The following MCTP1 variants were observed in gnomAD, a reference collection of about 807,000 sequenced individuals.
The protein encoded by MCTP1 is multiple C2 and transmembrane domain-containing protein 1.
MCTP1 carries 69 observed loss-of-function variants against 120.6 expected under a neutral mutation model. That is an observed-to-expected ratio of 0.57 (90% CI 0.47 to 0.70). The LOEUF (loss-of-function observed/expected upper bound fraction) is 0.70. Ranked by LOEUF, MCTP1 falls within the 30% of genes least tolerant of loss-of-function variation. MCTP1 has a pLI of 0.00. For synonymous variants in MCTP1, 529 were observed against 493.1 expected, an observed-to-expected ratio of 1.07 and a Z score of -0.96; for missense variants, 1,203 against 1,248.8, an observed-to-expected ratio of 0.96 and a Z score of 0.55.
At chr5:94,715,885 A>G (rs1759060858) in intron 19 of MCTP1, among the ~76,000 whole-genome samples, 1 of 152,220 alleles carries the variant, frequency 6.6e-6, no homozygotes, top group Non-Finnish European at 1.5e-5. Context: ...CTTGCACACT[A>G]TGCCAGAACA....
rs910043774 is a variant in MCTP1, at chr5:95,284,896, C to T, written c.-321G>A. Among the ~76,000 whole-genome samples, 3 of 152,098 alleles carry T rather than the reference C, an allele frequency of 2.0e-5. No individual in the cohort carries two copies. The highest frequency in any genetic ancestry group is 7.2e-5 in the African/African-American group (3 of 41,420). On this transcript the variant is annotated 5_prime_UTR_variant, in exon 1 of 23. Transcript: ENST00000515393. The surrounding 1 kb of genome is among the most constrained non-coding windows in gnomAD (Gnocchi z 5.2). ...GTTTTTCCCTCGAAGCTCCGCGGCT[C>T]CAGTCCACTGGCGTCCCCCAGGCCG...
At chr5:94,916,829 G>T (rs1810194260) in intron 8 of MCTP1, among the ~76,000 whole-genome samples, 1 of 152,202 alleles carries the variant, frequency 6.6e-6, no homozygotes, top group African/African-American at 2.4e-5. Context: ...AGGCATTCTG[G>T]TTTAACCAGC....
chr5:94,861,738 A>G (rs572829734), intron 17 of MCTP1, among the ~76,000 whole-genome samples: 23 of 151,996 alleles, frequency 1.5e-4, no homozygotes, highest in African/African-American at 4.3e-4. Flanking sequence ...TGGTTTAGGA[A>G]TCTGGGAACA....
At chr5:95,056,936 A>G (rs946053905) in intron 1 of MCTP1, among the ~76,000 whole-genome samples, 1 of 152,204 alleles carries the variant, frequency 6.6e-6, no homozygotes, top group African/African-American at 2.4e-5. Flanking sequence ...AGTGAGTATG[A>G]AAAGAAAGTT....
intron 1 of MCTP1, among the ~76,000 whole-genome samples, chr5:95,202,856 T>C (rs1751223667): frequency 6.6e-6 from 1 of 152,102 alleles, no homozygotes; most frequent in Non-Finnish European, 1.5e-5. Flanking sequence ...GCCTCCTGAG[T>C]AGCTGGGACT....
At chr5:94,725,321 T>C (rs902212997) in intron 19 of MCTP1, among the ~76,000 whole-genome samples, 3 of 152,196 alleles carry the variant, frequency 2.0e-5, no homozygotes, top group Non-Finnish European at 4.4e-5. Flanking sequence ...GAAAGCTTAT[T>C]TGAGAATAGT....
chr5:94,887,930 C>T (rs1313951112), intron 12 of MCTP1, among the ~76,000 whole-genome samples: 1 of 152,092 alleles, frequency 6.6e-6, no homozygotes, highest in African/African-American at 2.4e-5. Context: ...ATTTCAGGTC[C>T]TTGGATGGTA....
intron 1 of MCTP1, among the ~76,000 whole-genome samples, chr5:95,141,714 T>A (rs1759946679): frequency 6.6e-6 from 1 of 152,158 alleles, no homozygotes; most frequent in East Asian, 1.9e-4. Context: ...CTCCCTCCCT[T>A]CCTTCCTTTC....
chr5:94,852,122 G>A (rs182193824), intron 17 of MCTP1, among the ~76,000 whole-genome samples: 11 of 151,940 alleles, frequency 7.2e-5, no homozygotes, highest in Admixed American at 6.6e-4. Context: ...ATTCATAGTT[G>A]AAACTTTGAA....
chr5:94,879,168 A>G (rs1424007816), intron 12 of MCTP1, among the ~76,000 whole-genome samples: 1 of 152,114 alleles, frequency 6.6e-6, no homozygotes, highest in African/African-American at 2.4e-5. Context: ...TGCCTTGGAC[A>G]CCATCTTAAG....
At chr5:95,145,478 CAAG>C (rs1760306750) in intron 1 of MCTP1, among the ~76,000 whole-genome samples, 1 of 152,074 alleles carries the variant, frequency 6.6e-6, no homozygotes, top group Non-Finnish European at 1.5e-5. Flanking sequence ...TTCTAGTTCT[CAAG>C]AGGAATGATT....
At chr5:94,786,145 C>G (rs1777636183) in intron 18 of MCTP1, among the ~76,000 whole-genome samples, 2 of 152,154 alleles carry the variant, frequency 1.3e-5, no homozygotes, top group Non-Finnish European at 2.9e-5. Context: ...GTTTGATTCA[C>G]TTAAATTTAC....
At chr5:94,916,597 G>A (rs949679517) in intron 8 of MCTP1, among the ~76,000 whole-genome samples, 4 of 152,146 alleles carry the variant, frequency 2.6e-5, no homozygotes, top group African/African-American at 9.7e-5. Flanking sequence ...AGAATACCAC[G>A]GCAAAAAGAA....
chr5:94,992,572 A>C (rs192731299), intron 2 of MCTP1, among the ~76,000 whole-genome samples: 1 of 152,276 alleles, frequency 6.6e-6, no homozygotes, highest in Non-Finnish European at 1.5e-5. Context: ...AGCTCCTACG[A>C]CTTTATGCAG....
chr5:94,988,809 C>T (rs1186291972), intron 2 of MCTP1, among the ~76,000 whole-genome samples: 1 of 152,022 alleles, frequency 6.6e-6, no homozygotes, highest in Admixed American at 6.6e-5. Flanking sequence ...CTGGGGAGGT[C>T]TCAGATAACT....
chr5:94,713,642 GGA>G (rs1314824311), intron 20 of MCTP1, among the ~76,000 whole-genome samples: 1 of 152,122 alleles, frequency 6.6e-6, no homozygotes, highest in Non-Finnish European at 1.5e-5. Flanking sequence ...AGAGGAAGAA[GGA>G]GAGAGAAAAG....
intron 1 of MCTP1, among the ~76,000 whole-genome samples, chr5:95,222,653 T>C (rs910183210): frequency 1.3e-5 from 2 of 152,260 alleles, no homozygotes; most frequent in African/African-American, 4.8e-5. Context: ...AAAACATTTA[T>C]GAAATTATAA....
chr5:94,953,830 C>CAT (rs527767764), intron 2 of MCTP1, among the ~76,000 whole-genome samples: 448 of 40,788 alleles, frequency 0.011, 28 homozygotes, highest in South Asian at 0.019. Context: ...TATATATATA[C>CAT]ATATATATAT....
At chr5:94,829,824 T>G (rs1788125882) in intron 17 of MCTP1, among the ~76,000 whole-genome samples, 1 of 152,232 alleles carries the variant, frequency 6.6e-6, no homozygotes, top group Admixed American at 6.5e-5. Context: ...ACTCTCAGAA[T>G]GAGTTTTTTT....
Sources: allele counts gnomAD v4.1 joint callset (sites outside exome capture counted in the v4.1 genomes callset), GRCh38; gene constraint gnomAD v4.1.1; non-coding constraint Gnocchi (gnomAD v3.1); transcripts MANE v1.5; gene names NCBI Gene and HGNC (gene_info 2026-07-23, HGNC 2026-07-21).